KDM2A: variants seen among roughly 807,000 people sequenced by gnomAD.
The protein encoded by KDM2A is lysine-specific demethylase 2A.
KDM2A carries 3 observed loss-of-function variants against 137.3 expected under a neutral mutation model. The ratio of observed to expected loss-of-function variants is 0.02; its 90% CI spans 0.01 to 0.06. The LOEUF (loss-of-function observed/expected upper bound fraction) is 0.06. KDM2A is among the 10% of genes least tolerant of loss of function. KDM2A has a pLI of 1.00. For missense variants in KDM2A, 738 were observed against 1,510.6 expected (o/e 0.49, Z 8.48); for synonymous variants, 512 against 541.5 (o/e 0.95, Z 0.76).
At chr11:67,168,622 C>T (rs959860982) in intron 2 of KDM2A, among the ~76,000 whole-genome samples, 2,932 of 141,908 alleles carry the variant, frequency 0.021, 403 homozygotes, top group Admixed American at 0.13. Flanking sequence ...CACACACACA[C>T]ACACACACAC....
chr11:67,209,945 G>C (rs1857928035), intron 6 of KDM2A, among the ~76,000 whole-genome samples: 1 of 151,830 alleles, frequency 6.6e-6, no homozygotes, highest in South Asian at 2.1e-4. Flanking sequence ...CTGTAGTCCT[G>C]GTTACTCAAG....
chr11:67,167,271 TTTG>T (rs988774826), intron 2 of KDM2A, among the ~76,000 whole-genome samples: 56 of 152,268 alleles, frequency 3.7e-4, no homozygotes, highest in African/African-American at 1.1e-3. Context: ...ATAGCCACAT[TTTG>T]TTGTTGTTGT....
At chr11:67,163,551 T>C (rs1011833831) in intron 2 of KDM2A, among the ~76,000 whole-genome samples, 13 of 152,098 alleles carry the variant, frequency 8.5e-5, no homozygotes, top group African/African-American at 2.2e-4. Context: ...TGTAGAATCA[T>C]GTTCAAAATC....
chr11:67,207,085 A>C (rs1232809377), intron 5 of KDM2A, among the ~76,000 whole-genome samples: 2 of 152,236 alleles, frequency 1.3e-5, no homozygotes, highest in Admixed American at 6.5e-5. Context: ...ATTATGAGAT[A>C]GATTAGGTCA....
chr11:67,226,057 CTG>C (rs1202974230), intron 10 of KDM2A, among the ~76,000 whole-genome samples: 1 of 151,094 alleles, frequency 6.6e-6, no homozygotes, highest in African/African-American at 2.4e-5. Context: ...AAGAACAAAA[CTG>C]TGTCAAAAAA....
intron 2 of KDM2A, among the ~76,000 whole-genome samples, chr11:67,145,458 C>G (rs1393172277): frequency 6.6e-6 from 1 of 151,830 alleles, no homozygotes; most frequent in East Asian, 1.9e-4. Context: ...CCACTTCACT[C>G]CAGCCTTCCA....
chr11:67,193,773 A>G (rs924131795), intron 5 of KDM2A, among the ~76,000 whole-genome samples: 5 of 152,178 alleles, frequency 3.3e-5, no homozygotes, highest in African/African-American at 1.2e-4. Context: ...AGGCAGAAGA[A>G]CTGCTTGAAC....
intron 2 of KDM2A, among the ~76,000 whole-genome samples, chr11:67,166,684 G>A (rs963671226): frequency 6.6e-6 from 1 of 151,648 alleles, no homozygotes; most frequent in African/African-American, 2.4e-5. Flanking sequence ...ATACAGATCA[G>A]GTATCTGTAC....
At chr11:67,234,298 C>CT (rs1460002050) in intron 12 of KDM2A, among the ~76,000 whole-genome samples, 15 of 152,186 alleles carry the variant, frequency 9.9e-5, no homozygotes, top group Admixed American at 7.9e-4. Context: ...GCTTATAGCA[C>CT]TGATGGCTAT....
intron 2 of KDM2A, among the ~76,000 whole-genome samples, chr11:67,150,703 G>A (rs1178121574): frequency 3.9e-5 from 6 of 152,142 alleles, no homozygotes; most frequent in Admixed American, 1.3e-4. Context: ...AGGTGAGTTG[G>A]AGAAAACTGT....
chr11:67,240,034 C>T, intron 12 of KDM2A: 2 of 1,305,554 alleles, frequency 1.5e-6, no homozygotes, highest in Non-Finnish European at 1.9e-6. Flanking sequence ...GGCTCCCCCT[C>T]CTGCCATCTT....
Position 67,181,867 on chromosome 11 carries a change from T to C in KDM2A, c.282T>C (p.Thr94=), listed in dbSNP as rs773324257. Residue 94 remains threonine (T), a synonymous_variant, in exon 5 of 21, where the codon ACT becomes ACC. Coordinates refer to ENST00000529006, the MANE Select transcript of KDM2A (RefSeq NM_012308.3). ...ATAGAATGCCGGATCCAGACTTCAC[T>C]GTGAATGATGTCAAAATGTGTGTGG... is the stretch of plus-strand genomic sequence containing the variant. The part of the protein sequence containing the change: ...LGIKMPDPDF[T]VNDVKMCVGS... 1.9e-6 allele frequency: 3 copies of C among 1,613,900 alleles called. No individual in the cohort carries two copies. The highest frequency in any genetic ancestry group is 1.1e-5 in the South Asian group (1 of 91,082).
rs1447818260 is a variant in KDM2A, at chr11:67,230,814, T to C, written c.1085-752T>C. Among the ~76,000 whole-genome samples, 4 of 152,208 alleles carry C rather than the reference T, an allele frequency of 2.6e-5. No homozygotes were observed. The East Asian group carries it at 7.7e-4, about 29-fold the overall frequency. Reference sequence around the variant, plus strand: ...TTATAAAAGAAAAGACTGGTGAACATTTATCACTGTGTTTTGACTATCAAA... The same window carrying C: ...TTATAAAAGAAAAGACTGGTGAACACTTATCACTGTGTTTTGACTATCAAA... On this transcript the variant is annotated intron_variant, in intron 11 of 20. Coordinates refer to ENST00000529006, the MANE Select transcript of KDM2A (RefSeq NM_012308.3).
Position 67,250,146 on chromosome 11 carries a change from C to T in KDM2A, c.2116C>T (p.Arg706Trp), listed in dbSNP as rs866607391. The T allele has an allele frequency of 6.2e-7, 1 of 1,612,892 alleles. No individual in the cohort carries two copies. The highest frequency in any genetic ancestry group is 8.5e-7 in the Non-Finnish European group (1 of 1,179,398). ...GCAAGCCAAAGTCCTGCGGCCCCTG[C>T]GGAGCTGCGATGAGCCTCTCACGCC... ...AVQAKVLRPL[R>W]SCDEPLTPPP... is the part of the protein sequence containing the mutation. Residue 706 changes from arginine to tryptophan, a missense_variant, in exon 17 of 21, where the codon CGG becomes TGG. Coordinates refer to ENST00000529006, the MANE Select transcript of KDM2A (RefSeq NM_012308.3). This position sits in a 1 kb window ranked among gnomAD's most constrained non-coding sequence, Gnocchi z 7.1.
At chr11:67,176,198 G>C (rs538214277) in intron 2 of KDM2A, among the ~76,000 whole-genome samples, 43 of 152,044 alleles carry the variant, frequency 2.8e-4, no homozygotes, top group Non-Finnish European at 5.4e-4. Flanking sequence ...CCTAAAACTT[G>C]TAAGTTGAAT....
chr11:67,170,067 C>G (rs112399635), intron 2 of KDM2A, among the ~76,000 whole-genome samples: 1 of 152,096 alleles, frequency 6.6e-6, no homozygotes, highest in Non-Finnish European at 1.5e-5. Context: ...ACAGTTTCAT[C>G]TTTTTAGAGG....
chr11:67,193,690 G>GT (rs578253877), intron 5 of KDM2A, among the ~76,000 whole-genome samples: 68 of 151,892 alleles, frequency 4.5e-4, no homozygotes, highest in Non-Finnish European at 8.7e-4. Flanking sequence ...GCAAAACGCC[G>GT]TATCTACTAA....
Position 67,152,831 on chromosome 11 carries a change from AT to A in KDM2A, c.43-27238del, listed in dbSNP as rs568381255. Among the ~76,000 whole-genome samples the A allele has an allele frequency of 6.5e-3, 959 of 148,552 alleles. 31 individuals are homozygous for A. Among genetic ancestry groups the A allele is most frequent in the Admixed American group, 0.059 (883 of 14,846 alleles). ...AGTTATTTAACTTTTGTAGAATCAG[AT>A]TTTTTTTTTGCTAGCAAAACAAAAG... On this transcript the variant is annotated intron_variant, in intron 2 of 20. Coordinates refer to ENST00000529006, the MANE Select transcript of KDM2A (RefSeq NM_012308.3).
chr11:67,130,508 C>G (rs1487176565), intron 2 of KDM2A, among the ~76,000 whole-genome samples: 1 of 152,080 alleles, frequency 6.6e-6, no homozygotes, highest in Non-Finnish European at 1.5e-5. Flanking sequence ...TTTAGACAGC[C>G]TTAAAGCTGT....
Sources: allele counts gnomAD v4.1 joint callset (sites outside exome capture counted in the v4.1 genomes callset), GRCh38; gene constraint gnomAD v4.1.1; non-coding constraint Gnocchi (gnomAD v3.1); transcripts MANE v1.5; gene names NCBI Gene and HGNC (gene_info 2026-07-23, HGNC 2026-07-21).